The following DCC variants were observed in gnomAD, a reference collection of about 807,000 sequenced individuals.
DCC encodes netrin receptor DCC.
DCC carries 58 observed loss-of-function variants against 172.5 expected under a neutral mutation model. That is an observed-to-expected ratio of 0.34 (90% CI 0.27 to 0.42). The LOEUF (loss-of-function observed/expected upper bound fraction) is 0.42. DCC is among the 10% of genes least tolerant of loss of function. DCC has a pLI of 1.00. For missense variants in DCC, 1,740 were observed against 1,791.0 expected (o/e 0.97, Z 0.51); for synonymous variants, 709 against 644.5 (o/e 1.10, Z -1.52).
At chr18:52,968,488 A>G (rs1396408163) in intron 5 of DCC, among the ~76,000 whole-genome samples, 3 of 152,112 alleles carry the variant, frequency 2.0e-5, no homozygotes, top group African/African-American at 7.2e-5. Flanking sequence ...TCTTGGCTCT[A>G]TCCTTTCCCT....
chr18:53,470,844 C>T (rs2045687300), intron 25 of DCC, among the ~76,000 whole-genome samples: 1 of 152,218 alleles, frequency 6.6e-6, no homozygotes. Flanking sequence ...AATCACCTCC[C>T]ACTTTGTCCT....
At chr18:53,002,335 A>G (rs973741088) in intron 5 of DCC, among the ~76,000 whole-genome samples, 4 of 152,174 alleles carry the variant, frequency 2.6e-5, no homozygotes, top group South Asian at 2.1e-4. Flanking sequence ...CTTTTAATAC[A>G]TACAATACAG....
intron 1 of DCC, among the ~76,000 whole-genome samples, chr18:52,347,686 C>T (rs537652392): frequency 6.6e-6 from 1 of 152,052 alleles, no homozygotes; most frequent in Non-Finnish European, 1.5e-5. Context: ...GAAAACAGCA[C>T]CTGAATCCCT....
intron 1 of DCC, among the ~76,000 whole-genome samples, chr18:52,710,506 A>ATG (rs1204488863): frequency 6.6e-6 from 1 of 152,198 alleles, no homozygotes; most frequent in East Asian, 1.9e-4. Flanking sequence ...GTGCCTGTTG[A>ATG]TGTGTGTGTG....
At chr18:52,686,350 C>G (rs2035834614) in intron 1 of DCC, among the ~76,000 whole-genome samples, 1 of 152,126 alleles carries the variant, frequency 6.6e-6, no homozygotes, top group Admixed American at 6.6e-5. Context: ...CAACAGAACT[C>G]TACATGACTG....
intron 15 of DCC, among the ~76,000 whole-genome samples, chr18:53,384,768 T>C (rs2144991049): frequency 6.6e-6 from 1 of 152,172 alleles, no homozygotes; most frequent in South Asian, 2.1e-4. Context: ...TTATCCATTT[T>C]CTGTACTTTT....
At chr18:52,494,421 C>T (rs920555674) in intron 1 of DCC, among the ~76,000 whole-genome samples, 2 of 151,806 alleles carry the variant, frequency 1.3e-5, no homozygotes, top group Admixed American at 6.6e-5. Context: ...TCAAAGATTG[C>T]TTTTGCCTCA....
At chr18:53,323,505 T>C (rs549477352) in intron 14 of DCC, among the ~76,000 whole-genome samples, 1 of 152,318 alleles carries the variant, frequency 6.6e-6, no homozygotes, top group East Asian at 1.9e-4. Flanking sequence ...AAACACTTGG[T>C]TCTTTTCTCA....
rs1255215627 is a variant in DCC, at chr18:53,526,677, G to GATC, written c.4173_4175dup (p.Ser1392dup). On this transcript the variant is annotated inframe_insertion, in exon 28 of 29. Transcript: ENST00000442544. Reference sequence around the variant, plus strand: ...TCCCTTGGGTTGGCTGGAAAAGCAAGATCCCCTTTGCTTCCTGTGTCTGTG... The same window carrying GATC: ...TCCCTTGGGTTGGCTGGAAAAGCAAGATCATCCCCTTTGCTTCCTGTGTCTGTG... The GATC allele has an allele frequency of 2.5e-6, 4 of 1,613,450 alleles. No homozygotes were observed. In the African/African-American group the frequency reaches 5.3e-5, roughly 22 times the overall value.
At chr18:53,039,654 C>A (rs1387898300) in intron 5 of DCC, among the ~76,000 whole-genome samples, 1 of 151,934 alleles carries the variant, frequency 6.6e-6, no homozygotes, top group Non-Finnish European at 1.5e-5. Flanking sequence ...CTAGCATGAC[C>A]CTTAGGCCTC....
At chr18:52,791,207 G>A (rs558632108) in intron 2 of DCC, among the ~76,000 whole-genome samples, 60 of 152,076 alleles carry the variant, frequency 3.9e-4, no homozygotes, top group Non-Finnish European at 7.5e-4. Flanking sequence ...TAAAAGAGCC[G>A]GGCTGATTTT....
At chr18:53,500,145 A>G (rs2046078631) in intron 27 of DCC, among the ~76,000 whole-genome samples, 1 of 152,148 alleles carries the variant, frequency 6.6e-6, no homozygotes, top group Admixed American at 6.6e-5. Context: ...TTCCCAATGC[A>G]GTATTGATTT....
intron 5 of DCC, among the ~76,000 whole-genome samples, chr18:53,000,180 A>G (rs1026375503): frequency 3.9e-5 from 6 of 152,072 alleles, no homozygotes; most frequent in Admixed American, 6.6e-5. Context: ...GGTACTTTGC[A>G]ATGGCAGTCC....
At chr18:52,941,568 T>G (rs533670030) in intron 5 of DCC, among the ~76,000 whole-genome samples, 1 of 152,126 alleles carries the variant, frequency 6.6e-6, no homozygotes, top group South Asian at 2.1e-4. Flanking sequence ...ACACTATATA[T>G]GCATATACAT....
intron 1 of DCC, among the ~76,000 whole-genome samples, chr18:52,530,091 A>G (rs1183503679): frequency 6.6e-6 from 1 of 152,246 alleles, no homozygotes; most frequent in Non-Finnish European, 1.5e-5. Flanking sequence ...TATATATGAC[A>G]TAATGAAATG....
intron 15 of DCC, among the ~76,000 whole-genome samples, chr18:53,371,815 C>T (rs768883659): frequency 1.7e-4 from 26 of 151,882 alleles, no homozygotes; most frequent in South Asian, 8.3e-4. Context: ...ATACGAACAA[C>T]GCTTTTCAAA....
At chr18:53,275,086 T>C (rs1457893877) in intron 12 of DCC, among the ~76,000 whole-genome samples, 2 of 152,162 alleles carry the variant, frequency 1.3e-5, no homozygotes, top group Admixed American at 6.6e-5. Flanking sequence ...CTCTGGTGCA[T>C]GCTTAGGATA....
At chr18:52,748,098 TGTGA>T (rs959520302) in intron 1 of DCC, among the ~76,000 whole-genome samples, 2 of 151,980 alleles carry the variant, frequency 1.3e-5, no homozygotes, top group Admixed American at 6.5e-5. Context: ...GTGAGGGGTG[TGTGA>T]GTGAGTGAGT....
At chr18:52,876,871 C>T (rs770659454) in intron 2 of DCC, among the ~76,000 whole-genome samples, 8 of 152,216 alleles carry the variant, frequency 5.3e-5, no homozygotes, top group African/African-American at 7.2e-5. Context: ...TAACCACCTG[C>T]CAGTTTATCA....
Sources: allele counts gnomAD v4.1 joint callset (sites outside exome capture counted in the v4.1 genomes callset), GRCh38; gene constraint gnomAD v4.1.1; transcripts MANE v1.5; gene names NCBI Gene and HGNC (gene_info 2026-07-23, HGNC 2026-07-21).